FMN2: variants seen among roughly 807,000 people sequenced by gnomAD.
FMN2 encodes formin-2.
In FMN2, 51 loss-of-function variants were observed where a neutral mutation model predicts 142.3. The observed-to-expected ratio is 0.36, with a 90% CI of 0.29 to 0.45. The LOEUF (loss-of-function observed/expected upper bound fraction) is 0.45. FMN2 is among the 20% of genes least tolerant of loss of function. FMN2 has a pLI of 1.00. For synonymous variants in FMN2, 882 were observed against 869.8 expected, an observed-to-expected ratio of 1.01 and a Z score of -0.25; for missense variants, 1,936 against 2,122.8, an observed-to-expected ratio of 0.91 and a Z score of 1.73.
chr1:240,367,978 G>A (rs77067264), intron 14 of FMN2, among the ~76,000 whole-genome samples: 2,419 of 152,104 alleles, frequency 0.016, 57 homozygotes, highest in African/African-American at 0.055. Flanking sequence ...TTAGTGCCAT[G>A]TAAGGAATAA....
chr1:240,170,897 G>A (rs182672107), intron 2 of FMN2: 81 of 798,232 alleles, frequency 1.0e-4, no homozygotes, highest in South Asian at 5.1e-4. Context: ...TGTATGAACC[G>A]TCAGGATTTT....
chr1:240,278,363 T>A (rs767675799), intron 7 of FMN2, among the ~76,000 whole-genome samples: 13 of 152,186 alleles, frequency 8.5e-5, no homozygotes, highest in Non-Finnish European at 1.6e-4. Flanking sequence ...GAGTAGTAAT[T>A]TCAGAATACT....
chr1:240,208,465 C>A lies in FMN2; in HGVS notation c.3653C>A (p.Pro1218Gln). 6.2e-7 allele frequency: 1 copy of A among 1,609,698 alleles called. No homozygotes were observed. Among genetic ancestry groups the A allele is most frequent in the Non-Finnish European group, 8.5e-7 (1 of 1,178,532 alleles). ...PPPPLPGMGI[P>Q]PAPAPPLPPP... ...CCTCCCTTGCCAGGTATGGGGATTC[C>A]ACCTGCTCCAGCTCCCCCACTCCCT... The change falls in exon 5 of 18, where the codon CCA becomes CAA. Residue 1218 changes from proline (P) to glutamine (Q), a missense_variant. By Grantham distance (76) the Pro-to-Gln change is moderately conservative. Around this residue, in one of 8 missense-constraint regions of FMN2, gnomAD observed 259 missense variants for 230.9 expected, o/e 1.12. Transcript: ENST00000319653.
chr1:240,101,459 TTGGTTAGAC>T (rs1446145643), intron 1 of FMN2, among the ~76,000 whole-genome samples: 2 of 152,200 alleles, frequency 1.3e-5, no homozygotes, highest in African/African-American at 4.8e-5. Flanking sequence ...GAGATTTGCA[TTGGTTAGAC>T]TGTCATTATC....
At chr1:240,398,601 C>A (rs771132064) in intron 15 of FMN2, among the ~76,000 whole-genome samples, 1 of 152,056 alleles carries the variant, frequency 6.6e-6, no homozygotes, top group South Asian at 2.1e-4. Context: ...GACGTTTCTC[C>A]GAAGAAATAA....
chr1:240,418,201 A>ATTTT (rs147438271), intron 15 of FMN2, among the ~76,000 whole-genome samples: 13 of 138,176 alleles, frequency 9.4e-5, no homozygotes, highest in African/African-American at 3.5e-4. Flanking sequence ...ATTTATTATG[A>ATTTT]TTTTTTTTTT....
In FMN2 at chr1:240,122,075, A is replaced by AATTAATTTATTT. The variant is rs547438686; in HGVS notation, c.1616-1101_1616-1100insAATTTATTTATT. On this transcript the variant is annotated intron_variant, in intron 1 of 17. Transcript: ENST00000319653. ...CTTTTGGATCCAAAATTAATTAATT[A>AATTAATTTATTT]ATTTATTTATTTATTTATGAATTAT... Among the ~76,000 whole-genome samples the AATTAATTTATTT allele has an allele frequency of 2.0e-3, 295 of 146,684 alleles. 3 individuals are homozygous for AATTAATTTATTT. Among genetic ancestry groups the AATTAATTTATTT allele is most frequent in the Middle Eastern group, 7.1e-3 (2 of 280 alleles).
intron 1 of FMN2, among the ~76,000 whole-genome samples, chr1:240,096,320 TC>T (rs1661194623): frequency 6.6e-6 from 1 of 152,204 alleles, no homozygotes; most frequent in Non-Finnish European, 1.5e-5. Flanking sequence ...TAAGGTGTCC[TC>T]CTTTAATGGT....
At chr1:240,448,841 A>G (rs926345665) in intron 16 of FMN2, among the ~76,000 whole-genome samples, 15 of 151,900 alleles carry the variant, frequency 9.9e-5, no homozygotes, top group African/African-American at 3.4e-4. Context: ...GTAATTCAAT[A>G]TGATAAAAAG....
At chr1:240,137,312 A>G (rs1254958133) in intron 2 of FMN2, among the ~76,000 whole-genome samples, 3 of 152,212 alleles carry the variant, frequency 2.0e-5, no homozygotes, top group Non-Finnish European at 4.4e-5. Flanking sequence ...CCAGATAGAA[A>G]ATATTTTAGG....
intron 8 of FMN2, among the ~76,000 whole-genome samples, chr1:240,319,392 C>T (rs1484793955): frequency 6.6e-6 from 1 of 152,138 alleles, no homozygotes; most frequent in African/African-American, 2.4e-5. Context: ...ACACTGGTTC[C>T]TTGGGGGATA....
chr1:240,339,643 A>T (rs777242854), intron 13 of FMN2, among the ~76,000 whole-genome samples: 34 of 152,256 alleles, frequency 2.2e-4, no homozygotes, highest in South Asian at 1.9e-3. Context: ...AACCTTGAAA[A>T]ATGTAGAGAA....
At chr1:240,155,433 C>T (rs59476822) in intron 2 of FMN2, among the ~76,000 whole-genome samples, 1 of 152,270 alleles carries the variant, frequency 6.6e-6, no homozygotes, top group South Asian at 2.1e-4. Flanking sequence ...TAGATGTGCA[C>T]TGCCATGCCT....
At chr1:240,350,197 C>T (rs905418494) in intron 13 of FMN2, among the ~76,000 whole-genome samples, 12 of 152,202 alleles carry the variant, frequency 7.9e-5, no homozygotes, top group African/African-American at 2.9e-4. Flanking sequence ...TACATTTATC[C>T]AACAGGCTCT....
chr1:240,326,712 A>AT (rs11420131), intron 8 of FMN2, among the ~76,000 whole-genome samples: 34,214 of 147,668 alleles, frequency 0.23, 3,979 homozygotes, highest in African/African-American at 0.28. Context: ...AGCAAGCTGG[A>AT]TTTTTTTTTT....
chr1:240,261,341 T>C (rs946285726), intron 7 of FMN2, among the ~76,000 whole-genome samples: 2 of 139,364 alleles, frequency 1.4e-5, no homozygotes, highest in Non-Finnish European at 3.1e-5. Context: ...GGCCCCTTCA[T>C]TAACCAGTAC....
chr1:240,393,593 A>G (rs1344360424), intron 15 of FMN2, among the ~76,000 whole-genome samples: 1 of 152,220 alleles, frequency 6.6e-6, no homozygotes, highest in Non-Finnish European at 1.5e-5. Flanking sequence ...CACATCTCTC[A>G]CTTTAAAACA....
chr1:240,144,398 T>C, intron 2 of FMN2: 4 of 1,606,056 alleles, frequency 2.5e-6, no homozygotes, highest in Non-Finnish European at 3.4e-6. Flanking sequence ...GAAGTTGCTG[T>C]TGAGCTGTAC....
chr1:240,180,832 G>T (rs1301357873), intron 3 of FMN2, among the ~76,000 whole-genome samples: 4 of 151,956 alleles, frequency 2.6e-5, no homozygotes, highest in African/African-American at 9.7e-5. Flanking sequence ...CTCCCAAAGT[G>T]CTGGGATTAC....
Sources: gnomAD v4.1 joint callset for allele counts (sites outside exome capture counted in the v4.1 genomes callset) on GRCh38, gnomAD v4.1.1 for gene constraint, gnomAD v4.1.1 regional missense constraint, MANE v1.5 for transcripts, NCBI Gene and HGNC (gene_info 2026-07-23, HGNC 2026-07-21) for gene names.